The following R3HDM2 variants were observed in gnomAD, a reference collection of about 807,000 sequenced individuals.
The protein encoded by R3HDM2 is R3H domain-containing protein 2.
A neutral mutation model predicts 124.5 loss-of-function variants in R3HDM2; 38 were observed. The ratio of observed to expected loss-of-function variants is 0.31; its 90% CI spans 0.24 to 0.40. The LOEUF is 0.40. Among genes scored for constraint, R3HDM2 ranks in the 10% least tolerant of loss-of-function variants. R3HDM2 has a pLI of 1.00. For synonymous variants in R3HDM2, 391 were observed against 448.0 expected, an observed-to-expected ratio of 0.87 and a Z score of 1.61; for missense variants, 869 against 1,236.9, an observed-to-expected ratio of 0.70 and a Z score of 4.46.
At chr12:57,331,903 G>T (rs1206610435) in intron 2 of R3HDM2, among the ~76,000 whole-genome samples, 3 of 149,894 alleles carry the variant, frequency 2.0e-5, no homozygotes, top group African/African-American at 7.4e-5. Context: ...GACAGAGCAA[G>T]ACTCTGTCTA....
chr12:57,408,290 C>T (rs547497513), intron 1 of R3HDM2, among the ~76,000 whole-genome samples: 2 of 152,268 alleles, frequency 1.3e-5, no homozygotes, highest in East Asian at 3.9e-4. Context: ...TGGTCTTGAA[C>T]TCCTGACCTC....
At chr12:57,384,824 A>C (rs1210018300) in intron 2 of R3HDM2, among the ~76,000 whole-genome samples, 1 of 152,222 alleles carries the variant, frequency 6.6e-6, no homozygotes, top group African/African-American at 2.4e-5. Flanking sequence ...GAATAGAGGC[A>C]AAAACACTAG....
In R3HDM2 at chr12:57,296,066, C is replaced by T. The variant is rs2138544487; in HGVS notation, c.701+345G>A. On this transcript the variant is annotated intron_variant, in intron 9 of 23. Coordinates refer to ENST00000402412, the MANE Select transcript of R3HDM2 (RefSeq NM_001394031.1). This position sits in a 1 kb window ranked among gnomAD's most constrained non-coding sequence, Gnocchi z 4.5. ...TGTATTTTTAGTAGAGACGGGGTTT[C>T]ACCATCTTGGCCAAGCGGGTCTTGA... is the stretch of plus-strand genomic sequence containing the variant. Among the ~76,000 whole-genome samples the T allele has an allele frequency of 6.6e-6, 1 of 151,964 alleles. No individual in the cohort carries two copies. Among genetic ancestry groups the T allele is most frequent in the Non-Finnish European group, 1.5e-5 (1 of 67,938 alleles).
At chr12:57,410,234 T>A (rs747289716) in intron 1 of R3HDM2, among the ~76,000 whole-genome samples, 1 of 151,786 alleles carries the variant, frequency 6.6e-6, no homozygotes, top group Non-Finnish European at 1.5e-5. Context: ...ACCATTCCTT[T>A]TATCTGCCAT....
intron 4 of R3HDM2, among the ~76,000 whole-genome samples, 165 bp from the exon 5 acceptor site, chr12:57,300,346 C>T (rs1566036803): frequency 6.6e-6 from 1 of 152,258 alleles, no homozygotes; most frequent in East Asian, 1.9e-4. Context: ...GTCCTACTCA[C>T]CAGTTCCTGA....
At chr12:57,407,077 C>T (rs1357750378) in intron 1 of R3HDM2, among the ~76,000 whole-genome samples, 1 of 151,862 alleles carries the variant, frequency 6.6e-6, no homozygotes, top group African/African-American at 2.4e-5. Context: ...GGTGAAACCC[C>T]ATCTCTACTA....
intron 12 of R3HDM2, among the ~76,000 whole-genome samples, chr12:57,287,621 A>C (rs2047642970): frequency 6.6e-6 from 1 of 152,220 alleles, no homozygotes; most frequent in South Asian, 2.1e-4. Context: ...GTGAGATCTC[A>C]AATCCAAGTT....
chr12:57,346,702 A>G (rs2137110195), intron 2 of R3HDM2, among the ~76,000 whole-genome samples: 1 of 152,356 alleles, frequency 6.6e-6, no homozygotes, highest in South Asian at 2.1e-4. Context: ...ACAACAAAAT[A>G]TGGAAGACCA....
chr12:57,319,386 CATT>C (rs2055892753), intron 2 of R3HDM2, among the ~76,000 whole-genome samples: 1 of 152,124 alleles, frequency 6.6e-6, no homozygotes, highest in Admixed American at 6.6e-5. Flanking sequence ...GTTCTTAACT[CATT>C]AGTAACTGTG....
At chr12:57,417,054 G>A (rs2069695364) in intron 1 of R3HDM2, among the ~76,000 whole-genome samples, 1 of 151,664 alleles carries the variant, frequency 6.6e-6, no homozygotes, top group African/African-American at 2.4e-5. Flanking sequence ...GGAGGCGGAG[G>A]TTGCAGTGAG....
rs1453514268 is a variant in R3HDM2, at chr12:57,283,998, C to T, written c.997G>A (p.Glu333Lys). 5.6e-6 allele frequency: 9 copies of T among 1,613,704 alleles called. No homozygotes were observed. Among genetic ancestry groups the T allele is most frequent in the Admixed American group, 1.7e-5 (1 of 59,946 alleles). The change falls in exon 13 of 24, where the codon GAA becomes AAA. Residue 333 changes from glutamate (E) to lysine (K), a missense_variant. Around this residue, in one of 2 missense-constraint regions of R3HDM2, gnomAD observed 267 missense variants for 447.7 expected, o/e 0.60. Transcript: ENST00000402412. ...GGGCGTGGCTCCAGGGATTTGAGTT[C>T]GCTGTCTGTGCTGCTCTGGCGGCTG... ...SSSRQSSTDS[E>K]LKSLEPRPWS...
intron 1 of R3HDM2, among the ~76,000 whole-genome samples, chr12:57,415,936 CAT>C (rs1202244150): frequency 6.6e-6 from 1 of 152,156 alleles, no homozygotes; most frequent in African/African-American, 2.4e-5. Flanking sequence ...AAATGCAACA[CAT>C]GTTCCTTGAA....
At chr12:57,361,834 A>G (rs1003979536) in intron 2 of R3HDM2, among the ~76,000 whole-genome samples, 1 of 152,226 alleles carries the variant, frequency 6.6e-6, no homozygotes, top group Non-Finnish European at 1.5e-5. Context: ...ATAATTTTAG[A>G]AAGAAATTGG....
At chr12:57,416,144 A>G (rs920019426) in intron 1 of R3HDM2, among the ~76,000 whole-genome samples, 7 of 152,170 alleles carry the variant, frequency 4.6e-5, no homozygotes, top group Non-Finnish European at 7.3e-5. Context: ...AGGTATCCTG[A>G]TGTCTGTAAT....
At chr12:57,300,447 C>G (rs2138695141) in intron 4 of R3HDM2, among the ~76,000 whole-genome samples, 1 of 152,290 alleles carries the variant, frequency 6.6e-6, no homozygotes. Flanking sequence ...TCACTCAGCC[C>G]TCTTCTCTCT....
At chr12:57,305,234 T>C (rs1214845933) in intron 3 of R3HDM2, among the ~76,000 whole-genome samples, 2 of 152,152 alleles carry the variant, frequency 1.3e-5, no homozygotes, top group African/African-American at 4.8e-5. Flanking sequence ...ACTGTGAACC[T>C]TGTTTTTAAA....
intron 14 of R3HDM2, among the ~76,000 whole-genome samples, chr12:57,278,418 A>G (rs1166906437): frequency 6.6e-6 from 1 of 152,138 alleles, no homozygotes; most frequent in Admixed American, 6.6e-5. Context: ...GTATGAGATT[A>G]TAGGTGGAAG....
At chr12:57,343,186 AT>A (rs760665727) in intron 2 of R3HDM2, among the ~76,000 whole-genome samples, 5,868 of 133,934 alleles carry the variant, frequency 0.044, 252 homozygotes, top group African/African-American at 0.15. Flanking sequence ...TCGGGTCTTA[AT>A]TTTTTTTTTT....
At chr12:57,400,280 G>C (rs868737235) in intron 1 of R3HDM2, among the ~76,000 whole-genome samples, 1 of 152,252 alleles carries the variant, frequency 6.6e-6, no homozygotes, top group East Asian at 1.9e-4. Flanking sequence ...CATGTCCTTT[G>C]TAAGGACATC....
Sources: gnomAD v4.1 joint callset for allele counts (sites outside exome capture counted in the v4.1 genomes callset) on GRCh38, gnomAD v4.1.1 for gene constraint, gnomAD v4.1.1 regional missense constraint, Gnocchi (gnomAD v3.1) non-coding constraint, MANE v1.5 for transcripts, NCBI Gene and HGNC (gene_info 2026-07-23, HGNC 2026-07-21) for gene names.